Variants in LARGE1 observed in about 807,000 individuals in gnomAD.
The protein encoded by LARGE1 is xylosyl- and glucuronyltransferase LARGE1.
A neutral mutation model predicts 87.6 loss-of-function variants in LARGE1; 43 were observed. That is an observed-to-expected ratio of 0.49 (90% CI 0.38 to 0.63). LARGE1 has a LOEUF of 0.63. Among genes scored for constraint, LARGE1 ranks in the 30% least tolerant of loss-of-function variants. The pLI, the probability that LARGE1 is intolerant of heterozygous loss-of-function variation, is 0.00. For synonymous variants in LARGE1, 434 were observed against 394.6 expected (o/e 1.10, Z -1.18); for missense variants, 802 against 1,000.2 (o/e 0.80, Z 2.67).
intron 9 of LARGE1, among the ~76,000 whole-genome samples, chr22:33,342,636 G>A (rs1939286539): frequency 6.6e-6 from 1 of 152,190 alleles, no homozygotes; most frequent in Non-Finnish European, 1.5e-5. Flanking sequence ...TGGTGAGTCT[G>A]TGCCAAGTCA....
intron 1 of LARGE1, among the ~76,000 whole-genome samples, chr22:33,851,717 C>G (rs1374355053): frequency 6.6e-6 from 1 of 152,168 alleles, no homozygotes; most frequent in Non-Finnish European, 1.5e-5. Flanking sequence ...ACAATTTGGA[C>G]TGTGTTCAGT....
intron 6 of LARGE1, among the ~76,000 whole-genome samples, chr22:33,541,068 C>CGGGGG (rs2077187074): frequency 8.1e-5 from 1 of 12,324 alleles, no homozygotes; most frequent in Admixed American, 1.2e-3. Flanking sequence ...GGGGGGGGGG[C>CGGGGG]GGGGGGCGGG....
the LARGE1 span, among the ~76,000 whole-genome samples, chr22:33,141,194 T>TCTCTCA: frequency 1.3e-4 from 18 of 141,820 alleles, no homozygotes; most frequent in African/African-American, 4.8e-4. Context: ...TCTCTCTCTC[T>TCTCTCA]CACACACACA....
At chr22:33,676,431 C>T (rs1370681101) in intron 2 of LARGE1, among the ~76,000 whole-genome samples, 1 of 28,010 alleles carries the variant, frequency 3.6e-5, no homozygotes, top group African/African-American at 1.1e-4. Flanking sequence ...CATTTTATAA[C>T]AATAGTGATA....
chr22:33,713,982 G>GTAACA (rs71187278), intron 2 of LARGE1, among the ~76,000 whole-genome samples: 47,590 of 125,594 alleles, frequency 0.38, 8,166 homozygotes, highest in South Asian at 0.43. Context: ...GTAACATAAC[G>GTAACA]TAACATAACA....
At chr22:33,901,491 T>C (rs1451307557) in intron 1 of LARGE1, among the ~76,000 whole-genome samples, 1 of 152,176 alleles carries the variant, frequency 6.6e-6, no homozygotes, top group Non-Finnish European at 1.5e-5. Context: ...TCAGACACTG[T>C]GAAATGTCTT....
At position 33,834,630 on chromosome 22, in the gene LARGE1, T is replaced by C. The variant is rs964185718; in HGVS notation, c.-82-73072A>G. Reference sequence around the variant, plus strand: ...GCCTGCACCCAGGTGATTAAAAAGCTTTATTGCTCACGCAAAGCCTGTTTG... The same window carrying C: ...GCCTGCACCCAGGTGATTAAAAAGCCTTATTGCTCACGCAAAGCCTGTTTG... On this transcript the variant is annotated intron_variant, in intron 1 of 14. Transcript: ENST00000397394. Among the ~76,000 whole-genome samples the C allele has an allele frequency of 6.6e-5, 10 of 152,356 alleles. No individual in the cohort carries two copies. In the South Asian group the frequency reaches 1.5e-3, roughly 22 times the overall value.
chr22:33,765,707 C>CA (rs33943950), intron 1 of LARGE1, among the ~76,000 whole-genome samples: 22,684 of 70,390 alleles, frequency 0.32, 3,484 homozygotes, highest in East Asian at 0.43. Flanking sequence ...CTCCATCTCA[C>CA]AAAAAAAAAA....
At position 33,166,502 on chromosome 22, in the gene LARGE1, T is replaced by C. The variant is rs186061198; in HGVS notation, c.*261A>G. On this transcript the variant is annotated 3_prime_UTR_variant, in exon 12 of 12. Transcript: ENST00000608642. ...GGGATGTTCACCTGGCATGTACCACTTCAATGTTACCACGGGGATGTTCAC... is the reference window on the plus strand; with the variant it reads ...GGGATGTTCACCTGGCATGTACCACCTCAATGTTACCACGGGGATGTTCAC... 3.3e-5 allele frequency: 11 copies of C among 330,524 alleles called. No homozygotes were observed. The East Asian group carries it at 5.6e-4, about 17-fold the overall frequency. The allele number at this position is 330,524 out of a possible 1,614,324, so 20.5% of individuals were successfully genotyped here. A position where few individuals can be genotyped will look rare whatever the true frequency, so the allele number is the denominator to read the frequency against.
chr22:33,858,923 CA>C (rs200092243), intron 1 of LARGE1, among the ~76,000 whole-genome samples: 1,524 of 152,086 alleles, frequency 0.01, 38 homozygotes, highest in African/African-American at 0.034. Context: ...CCATCATTCT[CA>C]GCAAACTAAC....
chr22:33,493,284 C>T (rs945241697), intron 6 of LARGE1, among the ~76,000 whole-genome samples: 1 of 151,714 alleles, frequency 6.6e-6, no homozygotes, highest in African/African-American at 2.4e-5. Flanking sequence ...CCTCAGCCTC[C>T]CTAGCAGCTG....
chr22:33,271,805 A>G (rs537826670), downstream of LARGE1, among the ~76,000 whole-genome samples: 1 of 152,290 alleles, frequency 6.6e-6, no homozygotes, highest in Non-Finnish European at 1.5e-5. Flanking sequence ...TCTCTGTTGA[A>G]GTTGGGCATC....
the LARGE1 span, among the ~76,000 whole-genome samples, chr22:33,106,443 A>C: frequency 6.6e-6 from 1 of 152,088 alleles, no homozygotes; most frequent in Non-Finnish European, 1.5e-5. Flanking sequence ...CGGAAATTCA[A>C]TTCTGTTACC....
chr22:33,277,039 T>C, intron 14 of LARGE1, 21 bp downstream of exon 14: 1 of 1,612,768 alleles, frequency 6.2e-7, no homozygotes, highest in African/African-American at 1.3e-5. Flanking sequence ...CCATACCAGG[T>C]GGATGCTCCG....
chr22:33,823,905 G>T (rs1025762614), intron 1 of LARGE1, among the ~76,000 whole-genome samples: 1 of 152,170 alleles, frequency 6.6e-6, no homozygotes, highest in Admixed American at 6.5e-5. Flanking sequence ...CCACAGCCCA[G>T]TGATGGTTCA....
chr22:33,422,441 G>T (rs1007828270), intron 7 of LARGE1, among the ~76,000 whole-genome samples: 1 of 152,118 alleles, frequency 6.6e-6, no homozygotes, highest in Non-Finnish European at 1.5e-5. Flanking sequence ...GAAGGCAAAG[G>T]GGGAGCAGGT....
chr22:33,182,757 T>A, intron 11 of LARGE1, among the ~76,000 whole-genome samples: 1 of 152,150 alleles, frequency 6.6e-6, no homozygotes, highest in East Asian at 1.9e-4. Context: ...AAATTGGATA[T>A]CCACATGCAG....
intron 6 of LARGE1, among the ~76,000 whole-genome samples, chr22:33,464,318 T>G (rs2068500216): frequency 6.6e-6 from 1 of 151,998 alleles, no homozygotes; most frequent in South Asian, 2.1e-4. Flanking sequence ...TGACCCCAGG[T>G]TTTGGTTTAT....
chr22:33,156,167 C>T, the LARGE1 span, among the ~76,000 whole-genome samples: 1 of 152,152 alleles, frequency 6.6e-6, no homozygotes, highest in African/African-American at 2.4e-5. Context: ...GGTCAGAGTC[C>T]CCACACAGAG....
Sources: gnomAD v4.1 joint callset for allele counts (sites outside exome capture counted in the v4.1 genomes callset) on GRCh38, gnomAD v4.1.1 for gene constraint, MANE v1.5 for transcripts, NCBI Gene and HGNC (gene_info 2026-07-23, HGNC 2026-07-21) for gene names.